TP63: variants seen among roughly 807,000 people sequenced by gnomAD.
TP63 encodes tumor protein p63, also known as tumor protein 63.
A neutral mutation model predicts 82.8 loss-of-function variants in TP63; 17 were observed. The observed-to-expected ratio is 0.21, with a 90% CI of 0.14 to 0.31. The LOEUF (loss-of-function observed/expected upper bound fraction) is 0.31, where lower values mean the gene tolerates loss of function less well. Among genes scored for constraint, TP63 ranks in the 10% least tolerant of loss-of-function variants. TP63 has a pLI of 1.00. For synonymous variants in TP63, 330 were observed against 321.7 expected (o/e 1.03, Z -0.28); for missense variants, 648 against 895.3 (o/e 0.72, Z 3.52).
chr3:189,616,366 A>G, the TP63 span, among the ~76,000 whole-genome samples: 1 of 152,178 alleles, frequency 6.6e-6, no homozygotes, highest in Non-Finnish European at 1.5e-5. Flanking sequence ...AGCTAACACT[A>G]ACCTAAATCC....
At chr3:189,635,140 T>C (rs2108607840) in intron 1 of TP63, among the ~76,000 whole-genome samples, 1 of 152,272 alleles carries the variant, frequency 6.6e-6, no homozygotes, top group Admixed American at 6.5e-5. Context: ...TTTTGTATTG[T>C]TTCTTCTTAG....
intron 10 of TP63, among the ~76,000 whole-genome samples, chr3:189,881,902 A>G (rs1719950776): frequency 1.3e-5 from 2 of 152,094 alleles, no homozygotes. Context: ...TGTGGCATAG[A>G]CATTAGCAAA....
At chr3:189,649,343 G>A (rs1209790219) in intron 1 of TP63, among the ~76,000 whole-genome samples, 4 of 146,776 alleles carry the variant, frequency 2.7e-5, no homozygotes, top group African/African-American at 7.7e-5. Flanking sequence ...AGAACTGGAG[G>A]CTATTATTCT....
chr3:189,829,511 T>G (rs1711972038), intron 4 of TP63, among the ~76,000 whole-genome samples: 1 of 152,208 alleles, frequency 6.6e-6, no homozygotes, highest in East Asian at 1.9e-4. Context: ...CGTGTTATTT[T>G]AGAGTTATAA....
intron 1 of TP63, among the ~76,000 whole-genome samples, chr3:189,732,995 T>C (rs1308869852): frequency 1.3e-5 from 2 of 152,052 alleles, no homozygotes; most frequent in African/African-American, 4.8e-5. Context: ...TGGGTAGGCA[T>C]GGGAAAGGCA....
intron 12 of TP63, 56 bp from the exon 13 acceptor site, chr3:189,890,733 T>C (rs1720932196): frequency 6.5e-7 from 1 of 1,537,136 alleles, no homozygotes; most frequent in Non-Finnish European, 9.0e-7. Flanking sequence ...GCCAATGCAG[T>C]TGGGGTGAAC....
At chr3:189,699,461 C>T (rs901058302) in intron 1 of TP63, among the ~76,000 whole-genome samples, 9 of 152,074 alleles carry the variant, frequency 5.9e-5, no homozygotes, top group East Asian at 1.9e-4. Context: ...GTCTTGGAGT[C>T]GGAGAGGAAC....
At position 189,886,358 on chromosome 3, in the gene TP63, C is replaced by T. The variant is rs752596804; in HGVS notation, c.1350-36C>T. The T allele has an allele frequency of 5.6e-6, 9 of 1,607,374 alleles. No homozygotes were observed. In the Admixed American group the frequency reaches 8.3e-5, roughly 15 times the overall value. On this transcript the variant is annotated intron_variant, in intron 10 of 13. Transcript: ENST00000264731. ...TCAATAGTCCCCACTCTTCAGTGTC[C>T]CTTGCTCACCATTATTTCCATGTTT...
chr3:189,718,841 G>A (rs1719158127), intron 1 of TP63, among the ~76,000 whole-genome samples: 1 of 151,952 alleles, frequency 6.6e-6, no homozygotes, highest in Non-Finnish European at 1.5e-5. Flanking sequence ...TTACTTTTGA[G>A]CTTTACTTTG....
At chr3:189,883,262 G>A (rs931130144) in intron 10 of TP63, among the ~76,000 whole-genome samples, 2 of 152,050 alleles carry the variant, frequency 1.3e-5, no homozygotes, top group Admixed American at 1.3e-4. Context: ...TTCACCGTAT[G>A]TAGTTTTCAG....
chr3:189,695,270 C>T lies in TP63; in HGVS notation c.63-42470C>T, dbSNP rs114591635. On this transcript the variant is annotated intron_variant, in intron 1 of 13. Coordinates refer to ENST00000264731, the MANE Select transcript of TP63 (RefSeq NM_003722.5). ...TACTTTATTTCCTCGCTCCATTGCT[C>T]CAGTTTTGGCCATTGAAAGCTCTTT... is the stretch of plus-strand genomic sequence containing the variant. Among the ~76,000 whole-genome samples the T allele has an allele frequency of 2.6e-3, 395 of 152,174 alleles. 2 individuals are homozygous for T. Among genetic ancestry groups the T allele is most frequent in the African/African-American group, 9.0e-3 (374 of 41,496 alleles).
chr3:189,770,534 C>A (rs1051625843), intron 3 of TP63, among the ~76,000 whole-genome samples: 2 of 150,796 alleles, frequency 1.3e-5, no homozygotes, highest in African/African-American at 4.9e-5. Context: ...CACTGCACTC[C>A]AGCCTGGCCA....
At chr3:189,718,069 C>A (rs10937407) in intron 1 of TP63, among the ~76,000 whole-genome samples, 82,070 of 151,934 alleles carry the variant, frequency 0.54, 22,343 homozygotes, top group Middle Eastern at 0.69. Flanking sequence ...CCAATCTTTA[C>A]AGAGGGTAAC....
chr3:189,657,789 TA>T (rs1713517084), intron 1 of TP63, among the ~76,000 whole-genome samples: 1 of 152,132 alleles, frequency 6.6e-6, no homozygotes, highest in Non-Finnish European at 1.5e-5. Flanking sequence ...GAAATATCAA[TA>T]TGCATATGTT....
chr3:189,620,506 C>CAAAAAAAAAAAAAAAAAA, the TP63 span, among the ~76,000 whole-genome samples: 2 of 68,986 alleles, frequency 2.9e-5, 1 homozygote, highest in Non-Finnish European at 5.5e-5. Flanking sequence ...AAGACTCCAT[C>CAAAAAAAAAAAAAAAAAA]AAAAAAAAAA....
intron 10 of TP63, among the ~76,000 whole-genome samples, chr3:189,874,844 G>A (rs1290997936): frequency 6.6e-6 from 1 of 152,144 alleles, no homozygotes; most frequent in Non-Finnish European, 1.5e-5. Context: ...CCTAAGATAT[G>A]TGTGTCATGG....
chr3:189,881,204 A>G (rs1719877897), intron 10 of TP63: 1 of 985,408 alleles, frequency 1.0e-6, no homozygotes, highest in South Asian at 4.7e-5. Flanking sequence ...AGTGAGATCC[A>G]AGCAGACGTG....
chr3:189,740,007 TTGGGAGAAAGTCAA>T (rs11272889), intron 3 of TP63, among the ~76,000 whole-genome samples: 4 of 151,874 alleles, frequency 2.6e-5, no homozygotes, highest in Admixed American at 1.3e-4. Flanking sequence ...CTGCTTAATA[TTGGGAGAAAGTCAA>T]TGGGAGAAAG....
chr3:189,769,448 A>T (rs1723178306), intron 3 of TP63, among the ~76,000 whole-genome samples: 1 of 152,204 alleles, frequency 6.6e-6, no homozygotes. Flanking sequence ...CAGTCTGACA[A>T]GCCAGCTCTA....
Sources: allele counts gnomAD v4.1 joint callset (sites outside exome capture counted in the v4.1 genomes callset), GRCh38; gene constraint gnomAD v4.1.1; transcripts MANE v1.5; gene names NCBI Gene and HGNC (gene_info 2026-07-23, HGNC 2026-07-21).